Variants in NKAIN3 observed in about 807,000 individuals in gnomAD.
The protein encoded by NKAIN3 is sodium/potassium transporting ATPase interacting 3, also known as sodium/potassium-transporting ATPase subunit beta-1-interacting protein 3.
A neutral mutation model predicts 30.2 loss-of-function variants in NKAIN3; 25 were observed. The observed-to-expected ratio is 0.83, with a 90% CI of 0.60 to 1.16. The LOEUF (loss-of-function observed/expected upper bound fraction) is 1.16, where lower values mean the gene tolerates loss of function less well. Ranked by LOEUF, NKAIN3 falls within the 50% of genes most tolerant of loss-of-function variation. The pLI, the probability that NKAIN3 is intolerant of heterozygous loss-of-function variation, is 0.00. For synonymous variants in NKAIN3, 91 were observed against 89.6 expected (o/e 1.02, Z -0.09); for missense variants, 225 against 254.1 (o/e 0.89, Z 0.78).
chr8:62,496,432 C>A (rs72651529), intron 1 of NKAIN3, among the ~76,000 whole-genome samples: 1 of 152,046 alleles, frequency 6.6e-6, no homozygotes, highest in Admixed American at 6.6e-5. Context: ...CCAGTGTGTT[C>A]TTCCTGGATT....
chr8:62,525,633 C>T (rs996750466), intron 1 of NKAIN3, among the ~76,000 whole-genome samples: 5 of 152,258 alleles, frequency 3.3e-5, no homozygotes, highest in East Asian at 1.9e-4. Flanking sequence ...CCCTGCCCCT[C>T]GGTCGAGCAC....
chr8:62,665,101 C>G (rs894255391), intron 3 of NKAIN3, among the ~76,000 whole-genome samples: 10 of 152,130 alleles, frequency 6.6e-5, no homozygotes, highest in African/African-American at 2.2e-4. Context: ...AAGCTCTACC[C>G]CAAAACTGAG....
At chr8:62,750,983 T>A (rs1369509174) in intron 4 of NKAIN3, among the ~76,000 whole-genome samples, 1 of 152,060 alleles carries the variant, frequency 6.6e-6, no homozygotes, top group Non-Finnish European at 1.5e-5. Context: ...TGCCTCCTGC[T>A]CCCTGTAAGA....
At chr8:62,285,361 A>T (rs571532073) in intron 1 of NKAIN3, among the ~76,000 whole-genome samples, 1 of 152,156 alleles carries the variant, frequency 6.6e-6, no homozygotes. Context: ...CGTCTGCTTT[A>T]TGGGGGGAAA....
intron 3 of NKAIN3, among the ~76,000 whole-genome samples, chr8:62,671,231 T>A (rs959745558): frequency 6.6e-6 from 1 of 152,170 alleles, no homozygotes; most frequent in African/African-American, 2.4e-5. Context: ...TTTGAGATTT[T>A]TTTTTTGAGA....
At chr8:62,733,654 A>G (rs981075040) in intron 3 of NKAIN3, among the ~76,000 whole-genome samples, 4 of 152,102 alleles carry the variant, frequency 2.6e-5, no homozygotes, top group African/African-American at 9.7e-5. Flanking sequence ...AAAATTCTTC[A>G]AGAACTTTTT....
intron 1 of NKAIN3, among the ~76,000 whole-genome samples, chr8:62,501,935 A>T (rs1397407632): frequency 6.6e-6 from 1 of 152,198 alleles, no homozygotes; most frequent in Non-Finnish European, 1.5e-5. Context: ...TGCATTTTAA[A>T]TACCAACAGA....
chr8:62,995,143 C>T (rs1804078950), intron 5 of NKAIN3, among the ~76,000 whole-genome samples: 1 of 152,178 alleles, frequency 6.6e-6, no homozygotes, highest in Non-Finnish European at 1.5e-5. Flanking sequence ...AATAGCTCTA[C>T]AGATGCTTAA....
chr8:62,467,289 A>G (rs1038480477), intron 1 of NKAIN3, among the ~76,000 whole-genome samples: 7 of 152,200 alleles, frequency 4.6e-5, no homozygotes, highest in Non-Finnish European at 1.0e-4. Context: ...ATCACCACAA[A>G]GAGATTACAT....
chr8:62,757,153 G>T (rs1158351411), intron 4 of NKAIN3, among the ~76,000 whole-genome samples: 1 of 152,072 alleles, frequency 6.6e-6, no homozygotes, highest in Non-Finnish European at 1.5e-5. Context: ...AATATTAGAG[G>T]CAAGAAAGCT....
At chr8:62,902,012 GTC>G (rs1396053524) in intron 4 of NKAIN3, among the ~76,000 whole-genome samples, 12 of 152,312 alleles carry the variant, frequency 7.9e-5, no homozygotes, top group African/African-American at 2.6e-4. Context: ...GGACATGTCA[GTC>G]TGTATGCCCA....
At chr8:62,950,950 T>G (rs77196648) in intron 5 of NKAIN3, among the ~76,000 whole-genome samples, 1 of 150,590 alleles carries the variant, frequency 6.6e-6, no homozygotes, top group Non-Finnish European at 1.5e-5. Context: ...AATCCTTTTT[T>G]TTTTTTTTTT....
intron 3 of NKAIN3, among the ~76,000 whole-genome samples, chr8:62,654,696 T>C (rs1443553283): frequency 6.6e-6 from 1 of 152,178 alleles, no homozygotes; most frequent in East Asian, 1.9e-4. Context: ...CACATGAAGA[T>C]ATACTAAAGA....
chr8:62,921,243 A>G (rs1174120001), intron 5 of NKAIN3, among the ~76,000 whole-genome samples: 1 of 152,226 alleles, frequency 6.6e-6, no homozygotes, highest in Non-Finnish European at 1.5e-5. Context: ...ATTCTAAAAG[A>G]GATCTGCAAA....
intron 1 of NKAIN3, among the ~76,000 whole-genome samples, chr8:62,295,906 T>C (rs1813812525): frequency 6.6e-6 from 1 of 152,192 alleles, no homozygotes; most frequent in African/African-American, 2.4e-5. Context: ...ATCTGTGCCT[T>C]CATAAAATTA....
chr8:62,824,127 C>T (rs4440627), intron 4 of NKAIN3, among the ~76,000 whole-genome samples: 40,390 of 151,980 alleles, frequency 0.27, 5,633 homozygotes, highest in East Asian at 0.37. Context: ...TATACCCCTG[C>T]ATTGACCAGC....
chr8:62,343,345 C>T (rs1289539201), intron 1 of NKAIN3, among the ~76,000 whole-genome samples: 1 of 151,948 alleles, frequency 6.6e-6, no homozygotes, highest in African/African-American at 2.4e-5. Context: ...TAGAGTCAGC[C>T]TTATCTGAGT....
At chr8:62,741,362 A>AAGGAAG (rs1815869007) in intron 3 of NKAIN3, among the ~76,000 whole-genome samples, 6 of 137,948 alleles carry the variant, frequency 4.3e-5, no homozygotes, top group Admixed American at 1.4e-4. Flanking sequence ...AGAGAGAGAA[A>AAGGAAG]GAAGGAAGGA....
At chr8:62,825,245 G>C (rs556634193) in intron 4 of NKAIN3, among the ~76,000 whole-genome samples, 1 of 152,270 alleles carries the variant, frequency 6.6e-6, no homozygotes, top group South Asian at 2.1e-4. Flanking sequence ...TTATCAAGCT[G>C]AGTGATCTTA....
Sources: allele counts gnomAD v4.1 joint callset (sites outside exome capture counted in the v4.1 genomes callset), GRCh38; gene constraint gnomAD v4.1.1; transcripts MANE v1.5; gene names NCBI Gene and HGNC (gene_info 2026-07-23, HGNC 2026-07-21).